The following DEPTOR variants were observed in gnomAD, a reference collection of about 807,000 sequenced individuals.
The protein encoded by DEPTOR is DEP domain containing MTOR interacting protein.
In DEPTOR, 41 loss-of-function variants were observed where a neutral mutation model predicts 41.6. The observed-to-expected ratio is 0.98, with a 90% confidence interval of 0.77 to 1.28. DEPTOR has a LOEUF of 1.28. Ranked by LOEUF, DEPTOR falls within the 50% of genes most tolerant of loss-of-function variation. The pLI, the probability that DEPTOR is intolerant of heterozygous loss-of-function variation, is 0.00. For missense variants in DEPTOR, 514 were observed against 527.9 expected, an observed-to-expected ratio of 0.97 and a Z score of 0.26; for synonymous variants, 195 against 192.3, an observed-to-expected ratio of 1.01 and a Z score of -0.12.
In DEPTOR at chr8:119,907,649, G is replaced by A. The variant is rs968214295; in HGVS notation, c.123-20751G>A. 4.6e-5 allele frequency among the ~76,000 whole-genome samples: 7 copies of A among 152,206 alleles called. No individual in the cohort carries two copies. The East Asian group carries it at 1.2e-3, about 25-fold the overall frequency. On this transcript the variant is annotated intron_variant, in intron 1 of 8. Transcript: ENST00000286234. The stretch of plus-strand genomic sequence containing the variant: ...CTCTACTAAAAATATAAAAATTAGC[G>A]GGGCGTGGTGGCGCATGCCTGTAAT...
At chr8:120,043,959 C>A (rs902914546) in intron 8 of DEPTOR, among the ~76,000 whole-genome samples, 2 of 151,498 alleles carry the variant, frequency 1.3e-5, no homozygotes, top group Non-Finnish European at 2.9e-5. Context: ...TTGCAGTGAG[C>A]CAAAATCCTG....
At chr8:120,028,335 T>C (rs959919024) in intron 8 of DEPTOR, among the ~76,000 whole-genome samples, 1 of 152,044 alleles carries the variant, frequency 6.6e-6, no homozygotes, top group Non-Finnish European at 1.5e-5. Flanking sequence ...TGATGTACTT[T>C]TGACATTGCA....
chr8:120,013,998 C>T (rs1812572387), intron 8 of DEPTOR, among the ~76,000 whole-genome samples: 1 of 152,066 alleles, frequency 6.6e-6, no homozygotes, highest in Non-Finnish European at 1.5e-5. Flanking sequence ...CCACTATGCC[C>T]AGCTAATTTT....
At chr8:119,887,808 T>C (rs1197446145) in intron 1 of DEPTOR, among the ~76,000 whole-genome samples, 1 of 150,642 alleles carries the variant, frequency 6.6e-6, no homozygotes. Context: ...GCTGTTTTTG[T>C]TTTCTCTTTC....
intron 1 of DEPTOR, among the ~76,000 whole-genome samples, chr8:119,912,645 T>G (rs1180436651): frequency 6.6e-6 from 1 of 152,256 alleles, no homozygotes; most frequent in African/African-American, 2.4e-5. Flanking sequence ...TCCTGTGAAC[T>G]GAAAATAGAT....
chr8:119,940,603 G>A (rs1238902462), intron 3 of DEPTOR, among the ~76,000 whole-genome samples: 1 of 152,004 alleles, frequency 6.6e-6, no homozygotes, highest in South Asian at 2.1e-4. Context: ...AAAATTAGTC[G>A]AGCGTGGTGG....
At chr8:120,011,274 C>A (rs1026176097) in intron 8 of DEPTOR, among the ~76,000 whole-genome samples, 1 of 152,114 alleles carries the variant, frequency 6.6e-6, no homozygotes, top group African/African-American at 2.4e-5. Flanking sequence ...TCACTCATGT[C>A]AGGGAGGCAC....
intron 1 of DEPTOR, among the ~76,000 whole-genome samples, chr8:119,890,378 C>T (rs544747499): frequency 1.8e-4 from 27 of 152,260 alleles, no homozygotes; most frequent in Admixed American, 1.4e-3. Flanking sequence ...TCTTGGCTCA[C>T]TGCAACCTCC....
intron 3 of DEPTOR, among the ~76,000 whole-genome samples, chr8:119,956,938 T>C (rs1277667707): frequency 1.3e-5 from 2 of 152,064 alleles, no homozygotes; most frequent in South Asian, 2.1e-4. Flanking sequence ...GGTTTCACCC[T>C]GTTGGTCAGG....
intron 8 of DEPTOR, among the ~76,000 whole-genome samples, 160 bp downstream of exon 8, chr8:120,009,293 G>A (rs780082358): frequency 1.3e-5 from 2 of 151,870 alleles, no homozygotes; most frequent in Non-Finnish European, 2.9e-5. Flanking sequence ...CCTTTCCCTG[G>A]GTCTTCCCTC....
chr8:119,976,772 G>A (rs1032127563), intron 4 of DEPTOR, among the ~76,000 whole-genome samples: 9 of 152,020 alleles, frequency 5.9e-5, no homozygotes, highest in Admixed American at 5.9e-4. Flanking sequence ...CGGGTCACAG[G>A]CTCACCTCTT....
intron 4 of DEPTOR, among the ~76,000 whole-genome samples, chr8:119,991,366 A>G (rs1280323282): frequency 6.6e-6 from 1 of 151,808 alleles, no homozygotes; most frequent in East Asian, 1.9e-4. Context: ...CCCAGGCTGG[A>G]GTGCAGTGGC....
At chr8:120,046,552 A>G (rs933974721) in intron 8 of DEPTOR, among the ~76,000 whole-genome samples, 1 of 152,140 alleles carries the variant, frequency 6.6e-6, no homozygotes, top group African/African-American at 2.4e-5. Flanking sequence ...TGGCCGAATA[A>G]TATTCCACTG....
chr8:119,878,394 A>G (rs1586594009), intron 1 of DEPTOR, among the ~76,000 whole-genome samples: 1 of 149,946 alleles, frequency 6.7e-6, no homozygotes, highest in African/African-American at 2.5e-5. Flanking sequence ...ATCTCGGCTT[A>G]CTGCAACCTT....
chr8:120,046,324 G>A (rs903872426), intron 8 of DEPTOR, among the ~76,000 whole-genome samples: 4 of 151,552 alleles, frequency 2.6e-5, no homozygotes, highest in African/African-American at 7.3e-5. Context: ...AAGAAACCCC[G>A]TACCCATTAC....
chr8:119,989,445 T>C (rs1828871002), intron 4 of DEPTOR, among the ~76,000 whole-genome samples: 1 of 152,102 alleles, frequency 6.6e-6, no homozygotes, highest in Non-Finnish European at 1.5e-5. Flanking sequence ...CACCTTGAAA[T>C]GGGAGGCAGT....
intron 1 of DEPTOR, among the ~76,000 whole-genome samples, chr8:119,893,636 T>C (rs1448242925): frequency 6.6e-6 from 1 of 152,098 alleles, no homozygotes; most frequent in Non-Finnish European, 1.5e-5. Context: ...TGAGACCAGC[T>C]TGACCAACAT....
chr8:119,892,188 G>A (rs1161059453), intron 1 of DEPTOR, among the ~76,000 whole-genome samples: 10 of 152,084 alleles, frequency 6.6e-5, no homozygotes, highest in African/African-American at 2.2e-4. Context: ...CAGTAGAGAC[G>A]GGGTTTTGCC....
intron 4 of DEPTOR, among the ~76,000 whole-genome samples, chr8:119,994,644 G>A (rs1329498291): frequency 6.6e-6 from 1 of 152,134 alleles, no homozygotes; most frequent in Non-Finnish European, 1.5e-5. Flanking sequence ...TAGGCCAGGC[G>A]CAGTGGCTCA....
Sources: allele counts gnomAD v4.1 joint callset (sites outside exome capture counted in the v4.1 genomes callset), GRCh38; gene constraint gnomAD v4.1.1; transcripts MANE v1.5; gene names NCBI Gene and HGNC (gene_info 2026-07-23, HGNC 2026-07-21).